Variants in DCDC1 observed in about 807,000 individuals in gnomAD.
The protein encoded by DCDC1 is doublecortin domain containing 1, also known as doublecortin domain-containing protein 1.
DCDC1 carries 200 observed loss-of-function variants against 178.3 expected under a neutral mutation model. That is an observed-to-expected ratio of 1.12 (90% CI 1.00 to 1.26). The LOEUF (loss-of-function observed/expected upper bound fraction) is 1.26. Among genes scored for constraint, DCDC1 ranks in the 50% most tolerant of loss-of-function variants. The probability of loss-of-function intolerance (pLI) is 0.00; values close to 1 mark genes in which losing one functional copy is unlikely to be tolerated. For missense variants in DCDC1, 1,983 were observed against 1,749.2 expected (o/e 1.13, Z -2.38); for synonymous variants, 690 against 604.8 (o/e 1.14, Z -2.07).
At chr11:30,935,476 C>A (rs780992106) in intron 21 of DCDC1, among the ~76,000 whole-genome samples, 21 of 152,136 alleles carry the variant, frequency 1.4e-4, no homozygotes, top group Non-Finnish European at 2.5e-4. Context: ...CCATTTTGGC[C>A]TTCTCTTCTT....
At chr11:30,960,480 G>T (rs1269946891) in intron 20 of DCDC1, among the ~76,000 whole-genome samples, 1 of 152,030 alleles carries the variant, frequency 6.6e-6, no homozygotes, top group Admixed American at 6.6e-5. Flanking sequence ...AACTGTAATG[G>T]CACTAGCTGG....
At chr11:31,087,441 T>C (rs1957546999) in intron 17 of DCDC1, among the ~76,000 whole-genome samples, 1 of 152,126 alleles carries the variant, frequency 6.6e-6, no homozygotes, top group South Asian at 2.1e-4. Context: ...GCTGAAGTCA[T>C]TGATTTAATA....
intron 22 of DCDC1, among the ~76,000 whole-genome samples, chr11:30,929,863 G>GTCAC (rs909304171): frequency 4.6e-5 from 7 of 151,942 alleles, no homozygotes; most frequent in African/African-American, 1.7e-4. Flanking sequence ...ACAAGATCTT[G>GTCAC]TCACTCACTA....
intron 5 of DCDC1, 154 bp from the exon 6 acceptor site, chr11:31,305,931 A>C: frequency 1.1e-6 from 1 of 935,824 alleles, no homozygotes; most frequent in Non-Finnish European, 1.5e-6. Context: ...TAGAAATAAA[A>C]GGTAAGTCAC....
chr11:31,214,605 T>C (rs546021666), intron 9 of DCDC1, among the ~76,000 whole-genome samples: 3 of 152,170 alleles, frequency 2.0e-5, no homozygotes, highest in African/African-American at 4.8e-5. Context: ...CCCCCAAGGA[T>C]TGATGAACAA....
chr11:31,306,406 C>A lies in DCDC1; in HGVS notation c.435-18G>T, dbSNP rs947059492. 13 of 1,570,678 alleles carry A rather than the reference C, an allele frequency of 8.3e-6. No homozygotes were observed. The African/African-American group carries it at 1.8e-4, about 22-fold the overall frequency. On this transcript the variant is annotated intron_variant, in intron 4 of 38. Transcript: ENST00000684477. ...CTGCAACCCTGAAGAAAAAGAAAAA[C>A]AGAAAAATTGATGCATGCTAATTAG...
intron 20 of DCDC1, among the ~76,000 whole-genome samples, chr11:31,030,260 G>A (rs75997113): frequency 0.015 from 2,279 of 152,000 alleles, 42 homozygotes; most frequent in African/African-American, 0.052. Flanking sequence ...CTACCTTTGA[G>A]TATAATAGAA....
At chr11:31,235,251 A>C (rs1370936335) in intron 9 of DCDC1, among the ~76,000 whole-genome samples, 3 of 152,086 alleles carry the variant, frequency 2.0e-5, no homozygotes, top group Non-Finnish European at 4.4e-5. Context: ...TCATTCACAC[A>C]CAGACATAAA....
At chr11:31,041,922 G>A (rs575088328) in intron 20 of DCDC1, among the ~76,000 whole-genome samples, 1 of 152,020 alleles carries the variant, frequency 6.6e-6, no homozygotes, top group Admixed American at 6.6e-5. Flanking sequence ...TTAGAACAAA[G>A]AACTAAGTCT....
chr11:31,046,578 G>C (rs1218143418), intron 20 of DCDC1, among the ~76,000 whole-genome samples: 1 of 149,024 alleles, frequency 6.7e-6, no homozygotes, highest in Admixed American at 6.7e-5. Flanking sequence ...AAAATTAAGA[G>C]TCCTGTTAAT....
intron 9 of DCDC1, among the ~76,000 whole-genome samples, chr11:31,149,843 G>A (rs903598016): frequency 1.4e-4 from 22 of 152,172 alleles, no homozygotes; most frequent in African/African-American, 4.3e-4. Context: ...AACAAACTCC[G>A]GACACACCAT....
Position 31,315,305 on chromosome 11 carries a change from CCTTTTTTT to C in DCDC1, c.165-7405_165-7398del, listed in dbSNP as rs1445710478. On this transcript the variant is annotated intron_variant, in intron 3 of 38. Coordinates refer to ENST00000684477, the MANE Select transcript of DCDC1 (RefSeq NM_001387274.1). ...CCTTCCATAGTTCCTATTTGCATACCCTTTTTTTTTTTTTTTTTTTTTTTTTTTTTGAG... is the reference window on the plus strand; with the variant it reads ...CCTTCCATAGTTCCTATTTGCATACCTTTTTTTTTTTTTTTTTTTTTTGAG... 7.5e-3 allele frequency among the ~76,000 whole-genome samples: 835 copies of C among 111,068 alleles called. 11 individuals are homozygous for C. Among genetic ancestry groups the C allele is most frequent in the African/African-American group, 0.022 (741 of 33,448 alleles). The allele number at this position is 111,068 out of a possible 152,430, so 72.9% of individuals were successfully genotyped here.
intron 17 of DCDC1, among the ~76,000 whole-genome samples, chr11:31,081,196 C>T (rs1382218307): frequency 6.6e-6 from 1 of 152,040 alleles, no homozygotes; most frequent in Non-Finnish European, 1.5e-5. Context: ...TGTTACTACC[C>T]TAAAAATTAA....
intron 15 of DCDC1, among the ~76,000 whole-genome samples, chr11:31,095,534 G>C (rs142748981): frequency 6.6e-6 from 1 of 152,304 alleles, no homozygotes; most frequent in East Asian, 1.9e-4. Context: ...GAGGATAACA[G>C]ATTGTAGAAT....
chr11:31,333,782 C>A (rs1051482368), intron 2 of DCDC1, among the ~76,000 whole-genome samples: 4 of 152,160 alleles, frequency 2.6e-5, no homozygotes, highest in Admixed American at 2.6e-4. Context: ...TTGTGGGTAA[C>A]CCGACCTTTC....
chr11:31,199,595 G>C (rs1971067080), intron 9 of DCDC1, among the ~76,000 whole-genome samples: 2 of 152,024 alleles, frequency 1.3e-5, no homozygotes, highest in Non-Finnish European at 2.9e-5. Flanking sequence ...TCTGACTTTT[G>C]ATCCTGACAT....
At chr11:31,258,285 G>C (rs553665783) in intron 8 of DCDC1, among the ~76,000 whole-genome samples, 2 of 152,242 alleles carry the variant, frequency 1.3e-5, no homozygotes, top group Non-Finnish European at 2.9e-5. Flanking sequence ...AGTGAAAATA[G>C]GTAAGACTGG....
chr11:31,309,325 A>G (rs1225829074), intron 3 of DCDC1, among the ~76,000 whole-genome samples: 1 of 152,180 alleles, frequency 6.6e-6, no homozygotes, highest in Non-Finnish European at 1.5e-5. Context: ...TACACATTGG[A>G]TATAACCAGG....
intron 15 of DCDC1, among the ~76,000 whole-genome samples, chr11:31,099,667 C>A (rs948621332): frequency 2.0e-5 from 3 of 150,886 alleles, no homozygotes; most frequent in African/African-American, 7.3e-5. Context: ...GAAGCAGTCA[C>A]AAATCAGATA....
Sources: gnomAD v4.1 joint callset for allele counts (sites outside exome capture counted in the v4.1 genomes callset) on GRCh38, gnomAD v4.1.1 for gene constraint, MANE v1.5 for transcripts, NCBI Gene and HGNC (gene_info 2026-07-23, HGNC 2026-07-21) for gene names.